The following FAM149B1 variants were observed in gnomAD, a reference collection of about 807,000 sequenced individuals.
FAM149B1 encodes primary cilium assembly protein FAM149B1.
In FAM149B1, 56 loss-of-function variants were observed where a neutral mutation model predicts 75.3. The ratio of observed to expected loss-of-function variants is 0.74; its 90% confidence interval spans 0.60 to 0.93. The LOEUF is 0.93. FAM149B1 is among the 40% of genes least tolerant of loss of function. The probability of loss-of-function intolerance (pLI) is 0.00; values close to 1 mark genes in which losing one functional copy is unlikely to be tolerated. For synonymous variants in FAM149B1, 259 were observed against 256.1 expected (o/e 1.01, Z -0.11); for missense variants, 639 against 708.4 (o/e 0.90, Z 1.11).
At chr10:73,193,986 G>A (rs1404851215) in intron 5 of FAM149B1, among the ~76,000 whole-genome samples, 1 of 152,104 alleles carries the variant, frequency 6.6e-6, no homozygotes, top group African/African-American at 2.4e-5. Context: ...CAAGGGGGCT[G>A]TACATGCTAA....
At chr10:73,234,974 T>G in intron 11 of FAM149B1, 34 bp downstream of exon 11, 1 of 1,549,358 alleles carries the variant, frequency 6.5e-7, no homozygotes, top group Non-Finnish European at 8.7e-7. Flanking sequence ...TCCATGTACT[T>G]ACCATACAAC....
At position 73,174,624 on chromosome 10, in the gene FAM149B1, T is replaced by G; in HGVS notation, c.48-63T>G. ...GGAAGTAGGTGACTAACTTCTAGAT[T>G]AAATTATTGAATTGTATGTATTTTT... On this transcript the variant is annotated intron_variant, in intron 1 of 13. Coordinates refer to ENST00000242505, the MANE Select transcript of FAM149B1 (RefSeq NM_173348.2). 8 of 1,226,496 alleles carry G rather than the reference T, an allele frequency of 6.5e-6. 1 individual carries two copies. The South Asian group carries it at 1.1e-4, about 16-fold the overall frequency. The allele number at this position is 1,226,496 out of a possible 1,614,324, so 76.0% of individuals were successfully genotyped here. A position where few individuals can be genotyped will look rare whatever the true frequency, so the allele number is the denominator to read the frequency against.
Position 73,193,557 on chromosome 10 carries a change from A to G in FAM149B1, c.506A>G (p.Tyr169Cys). Residue 169 changes from tyrosine to cysteine, a missense_variant, in exon 5 of 14, where the codon TAT becomes TGT. Physicochemically the swap from Tyr to Cys is radical, Grantham distance 194. Transcript: ENST00000242505. ...TCCCCTTCTGCTGTTTCCGCTTCAT[A>G]TGAAACAACCTTGTCTCAAGAAAGA... is the stretch of plus-strand genomic sequence containing the variant. ...PRSPSAVSASYETTLSQERDS... is the reference protein window; with the variant it reads ...PRSPSAVSASCETTLSQERDS... The G allele has an allele frequency of 6.4e-7, 1 of 1,550,852 alleles. No individual in the cohort carries two copies. Among genetic ancestry groups the G allele is most frequent in the Non-Finnish European group, 8.7e-7 (1 of 1,146,484 alleles).
chr10:73,170,695 A>T (rs1280037286), intron 1 of FAM149B1, among the ~76,000 whole-genome samples: 1 of 152,160 alleles, frequency 6.6e-6, no homozygotes, highest in East Asian at 1.9e-4. Context: ...GGAATAAGAT[A>T]TCTACATGGT....
At chr10:73,233,792 C>T (rs1025412399) in intron 10 of FAM149B1, among the ~76,000 whole-genome samples, 4 of 152,142 alleles carry the variant, frequency 2.6e-5, no homozygotes, top group Admixed American at 6.5e-5. Context: ...AAACATTTTC[C>T]GTGCTGGGAA....
chr10:73,178,230 G>C (rs370460836), intron 3 of FAM149B1, among the ~76,000 whole-genome samples: 1 of 152,184 alleles, frequency 6.6e-6, no homozygotes, highest in Admixed American at 6.5e-5. Flanking sequence ...GGTGGCTCAC[G>C]CCTGCAATCC....
chr10:73,207,827 T>C (rs569151302), intron 5 of FAM149B1, among the ~76,000 whole-genome samples: 20 of 152,212 alleles, frequency 1.3e-4, no homozygotes, highest in Non-Finnish European at 2.9e-5. Context: ...TATACTCCCA[T>C]TGTATCTTGG....
intron 3 of FAM149B1, among the ~76,000 whole-genome samples, chr10:73,183,909 A>G (rs984366279): frequency 6.6e-6 from 1 of 152,238 alleles, no homozygotes; most frequent in African/African-American, 2.4e-5. Flanking sequence ...GCATGTAAGT[A>G]ACAGTAGTAA....
rs375557387 is a variant in FAM149B1 at position 73,189,407 on chromosome 10, CAT to C, written c.283-3146_283-3145del. Reference sequence around the variant, plus strand: ...AGCTATTATCCAAGAAAAATGAAAACATATGTGTAGAAAAAGACTTGTACATG... The same window carrying C: ...AGCTATTATCCAAGAAAAATGAAAACATGTGTAGAAAAAGACTTGTACATG... On this transcript the variant is annotated intron_variant, in intron 3 of 13. Transcript: ENST00000242505. 6.3e-3 allele frequency among the ~76,000 whole-genome samples: 964 copies of C among 152,214 alleles called. 6 individuals carry two copies. The highest frequency in any genetic ancestry group is 9.6e-3 in the Non-Finnish European group (652 of 67,996).
At chr10:73,240,537 C>T (rs550405452) in intron 13 of FAM149B1, among the ~76,000 whole-genome samples, 4 of 152,056 alleles carry the variant, frequency 2.6e-5, no homozygotes, top group Admixed American at 6.6e-5. Flanking sequence ...ATGGTGAAAC[C>T]CCATCTCTAC....
intron 11 of FAM149B1, 66 bp downstream of exon 11, chr10:73,235,006 G>C: frequency 6.6e-7 from 1 of 1,526,538 alleles, no homozygotes; most frequent in East Asian, 2.5e-5. Flanking sequence ...TAATTCTGCA[G>C]GATCTGTGCC....
intron 5 of FAM149B1, chr10:73,201,099 C>A: frequency 7.2e-6 from 2 of 276,642 alleles, no homozygotes; most frequent in South Asian, 4.9e-5. Flanking sequence ...GCAGAGGGGT[C>A]AATTTGGTAG....
chr10:73,207,277 A>C (rs2043087145), intron 5 of FAM149B1, among the ~76,000 whole-genome samples: 1 of 152,110 alleles, frequency 6.6e-6, no homozygotes. Flanking sequence ...AGCTGCAGGC[A>C]TTCAGGCCAG....
intron 12 of FAM149B1, 165 bp downstream of exon 12, chr10:73,235,483 A>G: frequency 1.4e-6 from 2 of 1,419,160 alleles, no homozygotes; most frequent in Non-Finnish European, 1.8e-6. Flanking sequence ...TCAAATTCTA[A>G]CTAGTCCCTG....
In FAM149B1 at chr10:73,243,695, A is replaced by T; in HGVS notation, c.*2676A>T. On this transcript the variant is annotated 3_prime_UTR_variant, in exon 14 of 14. Coordinates refer to ENST00000242505, the MANE Select transcript of FAM149B1 (RefSeq NM_173348.2). ...ATTGTAAAACTTTGTAAATACACTT[A>T]AAACCACCAAATTGTACACTTTAAA... 1 of 1,113,262 alleles carries T rather than the reference A, an allele frequency of 9.0e-7. No homozygotes were observed. Among genetic ancestry groups the T allele is most frequent in the Non-Finnish European group, 1.3e-6 (1 of 779,350 alleles). 69.0% of individuals were successfully genotyped at this position (1,113,262 alleles called of 1,614,324 possible). A position where few individuals can be genotyped will look rare whatever the true frequency, so the allele number is the denominator to read the frequency against.
chr10:73,189,332 T>C (rs1307040487), intron 3 of FAM149B1, among the ~76,000 whole-genome samples: 2 of 152,214 alleles, frequency 1.3e-5, no homozygotes, highest in Admixed American at 6.5e-5. Flanking sequence ...TAAAATAGTT[T>C]AGTAATTTCT....
intron 6 of FAM149B1, among the ~76,000 whole-genome samples, chr10:73,209,618 G>A (rs1437826383): frequency 6.6e-6 from 1 of 152,106 alleles, no homozygotes; most frequent in Non-Finnish European, 1.5e-5. Context: ...CTGGATAGGT[G>A]AGAATCAGAG....
In FAM149B1 at chr10:73,243,695, A is replaced by C. The variant is rs560667394; in HGVS notation, c.*2676A>C. The C allele has an allele frequency of 7.2e-6, 8 of 1,113,264 alleles. No homozygotes were observed. Among genetic ancestry groups the C allele is most frequent in the Middle Eastern group, 4.2e-4 (2 of 4,818 alleles). The allele number at this position is 1,113,264 out of a possible 1,614,324, so 69.0% of individuals were successfully genotyped here. ...ATTGTAAAACTTTGTAAATACACTT[A>C]AAACCACCAAATTGTACACTTTAAA... On this transcript the variant is annotated 3_prime_UTR_variant, in exon 14 of 14. Transcript: ENST00000242505.
chr10:73,197,016 T>C (rs1203487080), intron 5 of FAM149B1, among the ~76,000 whole-genome samples: 1 of 152,138 alleles, frequency 6.6e-6, no homozygotes, highest in African/African-American at 2.4e-5. Flanking sequence ...TTGTTTTTTG[T>C]TTTTTGAGAC....
Sources: allele counts gnomAD v4.1 joint callset (sites outside exome capture counted in the v4.1 genomes callset), GRCh38; gene constraint gnomAD v4.1.1; transcripts MANE v1.5; gene names NCBI Gene and HGNC (gene_info 2026-07-23, HGNC 2026-07-21).